SYCP2: variants seen among roughly 807,000 people sequenced by gnomAD.
SYCP2 encodes the protein synaptonemal complex protein 2.
Under a neutral mutation model 211.3 loss-of-function variants are expected in SYCP2, and 55 were observed. The observed-to-expected ratio is 0.26, with a 90% CI of 0.21 to 0.33. The LOEUF (loss-of-function observed/expected upper bound fraction) is 0.33, where lower values mean the gene tolerates loss of function less well. Among genes scored for constraint, SYCP2 ranks in the 10% least tolerant of loss-of-function variants. The pLI, the probability that SYCP2 is intolerant of heterozygous loss-of-function variation, is 1.00. For missense variants in SYCP2, 1,731 were observed against 1,752.0 expected (o/e 0.99, Z 0.21); for synonymous variants, 570 against 555.2 (o/e 1.03, Z -0.37).
intron 26 of SYCP2, among the ~76,000 whole-genome samples, chr20:59,885,367 C>T (rs2059765576): frequency 6.6e-6 from 1 of 151,976 alleles, no homozygotes; most frequent in Non-Finnish European, 1.5e-5. Context: ...ACACATAAAA[C>T]CTATTGTAAC....
intron 1 of SYCP2, among the ~76,000 whole-genome samples, chr20:59,932,816 G>A (rs2060788070): frequency 6.6e-6 from 1 of 152,202 alleles, no homozygotes; most frequent in Non-Finnish European, 1.5e-5. Flanking sequence ...CAGCTGCGCG[G>A]AGGGGCTGGC....
rs190572128 is a variant in SYCP2, at chr20:59,909,974, T to A, written c.972+1776A>T. The stretch of plus-strand genomic sequence containing the variant: ...AGATGCAAGGACCTGGAGGAAGAGG[T>A]CTATGCAGAAGAACTAAGAAAGACC... On this transcript the variant is annotated intron_variant, in intron 14 of 44. Coordinates refer to ENST00000357552, the MANE Select transcript of SYCP2 (RefSeq NM_014258.4). Among the ~76,000 whole-genome samples the A allele has an allele frequency of 1.4e-4, 22 of 152,198 alleles. No individual in the cohort carries two copies. In the East Asian group the frequency reaches 2.7e-3, roughly 19 times the overall value.
chr20:59,889,032 C>G lies in SYCP2; in HGVS notation c.2365-2198G>C, dbSNP rs574914945. On this transcript the variant is annotated intron_variant, in intron 24 of 44. Coordinates refer to ENST00000357552, the MANE Select transcript of SYCP2 (RefSeq NM_014258.4). Reference sequence around the variant, plus strand: ...ATATGGATAGAAAGCTCAATATTGTCAAGATGTCAGTTCTTCCTAACGATC... The same window carrying G: ...ATATGGATAGAAAGCTCAATATTGTGAAGATGTCAGTTCTTCCTAACGATC... 3.9e-5 allele frequency among the ~76,000 whole-genome samples: 6 copies of G among 152,084 alleles called. No homozygotes were observed. In the South Asian group the frequency reaches 1.2e-3, roughly 32 times the overall value.
chr20:59,871,110 G>A (rs140256494), intron 35 of SYCP2, among the ~76,000 whole-genome samples: 8 of 151,706 alleles, frequency 5.3e-5, no homozygotes, highest in East Asian at 1.9e-4. Context: ...TATATACAAC[G>A]AATAAAGAAT....
chr20:59,897,183 A>T (rs1240109510), intron 18 of SYCP2, among the ~76,000 whole-genome samples: 1 of 152,294 alleles, frequency 6.6e-6, no homozygotes, highest in South Asian at 2.1e-4. Context: ...ATGGTGACAT[A>T]CTGCATAGAG....
intron 26 of SYCP2, among the ~76,000 whole-genome samples, chr20:59,882,498 C>G (rs892923034): frequency 6.6e-6 from 1 of 152,014 alleles, no homozygotes; most frequent in Non-Finnish European, 1.5e-5. Flanking sequence ...ATCTGCACAC[C>G]CATGGTTACT....
chr20:59,896,555 T>A, intron 18 of SYCP2, 27 bp from the exon 19 acceptor site: 1 of 1,192,100 alleles, frequency 8.4e-7, no homozygotes, highest in Non-Finnish European at 1.2e-6. Context: ...AAACAACCAC[T>A]GTAAACACAG....
At chr20:59,881,589 A>AT in intron 28 of SYCP2, 97 bp from the exon 29 acceptor site, 1 of 612,278 alleles carries the variant, frequency 1.6e-6, no homozygotes, top group Non-Finnish European at 2.7e-6. Context: ...TCACAAAATC[A>AT]TAAGATTTGA....
chr20:59,920,299 A>C, intron 5 of SYCP2, 60 bp downstream of exon 5: 1 of 1,389,794 alleles, frequency 7.2e-7, no homozygotes, highest in Non-Finnish European at 9.8e-7. Flanking sequence ...ATTTCTTACT[A>C]GAAAGCATAT....
rs550002779 is a variant in SYCP2, at chr20:59,886,929, A to G, written c.2365-95T>C. Reference sequence around the variant, plus strand: ...AAACTTTTAAGATAAATCTGGTTCTATTTATACCTGCGGAGAGAAATAAAG... The same window carrying G: ...AAACTTTTAAGATAAATCTGGTTCTGTTTATACCTGCGGAGAGAAATAAAG... On this transcript the variant is annotated intron_variant, in intron 24 of 44. Coordinates refer to ENST00000357552, the MANE Select transcript of SYCP2 (RefSeq NM_014258.4). The G allele has an allele frequency of 6.5e-6, 6 of 930,062 alleles. No individual in the cohort carries two copies. In the East Asian group the frequency reaches 1.4e-4, roughly 22 times the overall value. 57.6% of individuals were successfully genotyped at this position (930,062 alleles called of 1,614,324 possible).
chr20:59,932,737 C>T (rs2060784900), intron 1 of SYCP2, among the ~76,000 whole-genome samples: 1 of 152,088 alleles, frequency 6.6e-6, no homozygotes, highest in African/African-American at 2.4e-5. Flanking sequence ...CAGCCTGGAG[C>T]CCGGTCCAGA....
intron 33 of SYCP2, among the ~76,000 whole-genome samples, 186 bp downstream of exon 33, chr20:59,877,199 G>T (rs1216798043): frequency 6.6e-6 from 1 of 152,084 alleles, no homozygotes; most frequent in African/African-American, 2.4e-5. Context: ...TAAAAAAAAT[G>T]CCAACTTATT....
At chr20:59,898,809 A>G (rs1219548264) in intron 18 of SYCP2, among the ~76,000 whole-genome samples, 2 of 152,206 alleles carry the variant, frequency 1.3e-5, no homozygotes, top group African/African-American at 4.8e-5. Flanking sequence ...TATGCTTTAG[A>G]TGGGTAAAGG....
At position 59,893,195 on chromosome 20, in the gene SYCP2, T is replaced by C. The variant is rs1313981626; in HGVS notation, c.1740A>G (p.Glu580=). 1.9e-6 allele frequency: 3 copies of C among 1,593,862 alleles called. No individual in the cohort carries two copies. The highest frequency in any genetic ancestry group is 2.6e-6 in the Non-Finnish European group (3 of 1,168,144). ...NVEFPNQNFS[E]LQDVIPDSQA... ...GTGAATCTGGTATAACATCCTGGAGTTCACCTAAATAAAACAAATATTATA... is the reference window on the plus strand; with the variant it reads ...GTGAATCTGGTATAACATCCTGGAGCTCACCTAAATAAAACAAATATTATA... Residue 580 remains glutamate, a synonymous_variant, in exon 22 of 45, where the codon GAA becomes GAG. Coordinates refer to ENST00000357552, the MANE Select transcript of SYCP2 (RefSeq NM_014258.4).
At chr20:59,871,330 G>GTGCTCAT (rs2145613762) in intron 35 of SYCP2, among the ~76,000 whole-genome samples, 1 of 151,928 alleles carries the variant, frequency 6.6e-6, no homozygotes, top group East Asian at 1.9e-4. Context: ...CATCTACTTA[G>GTGCTCAT]TTAAAACTGT....
In SYCP2 at chr20:59,868,843, T is replaced by A; in HGVS notation, c.3824A>T (p.His1275Leu). 1 of 1,606,936 alleles carries A rather than the reference T, an allele frequency of 6.2e-7. No individual in the cohort carries two copies. Among genetic ancestry groups the A allele is most frequent in the Middle Eastern group, 1.7e-4 (1 of 6,012 alleles). Residue 1275 changes from histidine (H) to leucine (L), a missense_variant, in exon 37 of 45, where the codon CAT becomes CTT. By Grantham distance (99) the His-to-Leu change is moderately conservative (BLOSUM62 -3). Around this residue, in one of 3 missense-constraint regions of SYCP2, gnomAD observed 1,387 missense variants for 1,351.3 expected, o/e 1.03. Coordinates refer to ENST00000357552, the MANE Select transcript of SYCP2 (RefSeq NM_014258.4). ...TWFDMPCDAT[H>L]VSGPTQHLSR... ...AGACTATGACTACAAACCTGATACA[T>A]GAGTAGCATCACAGGGCATGTCAAA...
At chr20:59,892,462 T>C (rs2059925470) in intron 23 of SYCP2, 36 bp from the exon 24 acceptor site, 2 of 1,463,772 alleles carry the variant, frequency 1.4e-6, no homozygotes, top group African/African-American at 1.4e-5. Flanking sequence ...TCTTTTTAAA[T>C]TAATAAGTTG....
At chr20:59,926,274 G>A (rs1180059382) in intron 2 of SYCP2, among the ~76,000 whole-genome samples, 2 of 152,018 alleles carry the variant, frequency 1.3e-5, no homozygotes, top group Non-Finnish European at 2.9e-5. Context: ...AAACTGGATG[G>A]CTTAGAACAG....
chr20:59,922,045 ATTATT>A (rs1211531896), intron 3 of SYCP2, among the ~76,000 whole-genome samples: 8 of 151,764 alleles, frequency 5.3e-5, no homozygotes, highest in Non-Finnish European at 1.0e-4. Flanking sequence ...TGTTGAATAG[ATTATT>A]AACACTTACA....
Sources: allele counts gnomAD v4.1 joint callset (sites outside exome capture counted in the v4.1 genomes callset), GRCh38; gene constraint gnomAD v4.1.1; regional missense constraint gnomAD v4.1.1; transcripts MANE v1.5; gene names NCBI Gene and HGNC (gene_info 2026-07-23, HGNC 2026-07-21).